Variants in CEPT1 observed in about 807,000 individuals in gnomAD.
The protein encoded by CEPT1 is choline/ethanolamine phosphotransferase 1, also known as choline/ethanolaminephosphotransferase 1.
A neutral mutation model predicts 42.6 loss-of-function variants in CEPT1; 7 were observed. The ratio of observed to expected loss-of-function variants is 0.16; its 90% CI spans 0.09 to 0.31. The LOEUF (loss-of-function observed/expected upper bound fraction) is 0.31, where lower values mean the gene tolerates loss of function less well. Ranked by LOEUF, CEPT1 falls within the 10% of genes least tolerant of loss-of-function variation. The pLI is 1.00. For synonymous variants in CEPT1, 171 were observed against 171.9 expected (o/e 0.99, Z 0.04); for missense variants, 306 against 502.1 (o/e 0.61, Z 3.73).
intron 2 of CEPT1, among the ~76,000 whole-genome samples, chr1:111,155,881 G>T (rs896851257): frequency 2.0e-5 from 3 of 152,070 alleles, no homozygotes; most frequent in African/African-American, 7.2e-5. Flanking sequence ...GTGTATATGT[G>T]TGTGTGTATA....
intron 4 of CEPT1, among the ~76,000 whole-genome samples, chr1:111,166,880 A>G (rs1372926722): frequency 6.6e-6 from 1 of 152,190 alleles, no homozygotes. Flanking sequence ...TTTTTTCAGT[A>G]TATTACAGTT....
chr1:111,160,995 A>T, intron 3 of CEPT1, 160 bp from the exon 4 acceptor site: 1 of 698,788 alleles, frequency 1.4e-6, no homozygotes, highest in Non-Finnish European at 2.4e-6. Context: ...ATGGGGTAAG[A>T]GATTATGTAA....
intron 2 of CEPT1, among the ~76,000 whole-genome samples, chr1:111,157,348 C>A (rs1194443365): frequency 6.6e-6 from 1 of 152,140 alleles, no homozygotes; most frequent in Non-Finnish European, 1.5e-5. Context: ...AGGTATTCAG[C>A]AGAATTTTCT....
chr1:111,161,016 C>A, intron 3 of CEPT1, 139 bp from the exon 4 acceptor site: 1 of 829,296 alleles, frequency 1.2e-6, no homozygotes, highest in Non-Finnish European at 2.0e-6. Context: ...CAGATTATAT[C>A]CTACTTTTCT....
chr1:111,184,716 C>T lies in CEPT1; in HGVS notation c.*406C>T, dbSNP rs1657173337. The T allele has an allele frequency of 6.5e-6, 1 of 153,356 alleles. No individual in the cohort carries two copies. The highest frequency in any genetic ancestry group is 1.5e-5 in the Non-Finnish European group (1 of 68,748). The allele number at this position is 153,356 out of a possible 1,614,324, so 9.5% of individuals were successfully genotyped here. On this transcript the variant is annotated 3_prime_UTR_variant, in exon 9 of 9. Coordinates refer to ENST00000357172, the MANE Select transcript of CEPT1 (RefSeq NM_006090.5). ...TAGTAACATCCTTGTTTAGTGTCTTCTCAAGCTTTCTTTACTGAGGAATTC... is the reference window on the plus strand; with the variant it reads ...TAGTAACATCCTTGTTTAGTGTCTTTTCAAGCTTTCTTTACTGAGGAATTC...
At chr1:111,163,605 CAA>C (rs201584154) in intron 4 of CEPT1, among the ~76,000 whole-genome samples, 1 of 132,774 alleles carries the variant, frequency 7.5e-6, no homozygotes. Flanking sequence ...GAACATGTCT[CAA>C]AAAAAAAAAA....
At chr1:111,149,460 A>G (rs1266632052) in intron 2 of CEPT1, among the ~76,000 whole-genome samples, 3 of 152,046 alleles carry the variant, frequency 2.0e-5, no homozygotes, top group African/African-American at 7.2e-5. Context: ...ACAGGGCTTC[A>G]CCTTGTTGGT....
At chr1:111,158,016 A>G (rs929384379) in intron 2 of CEPT1, among the ~76,000 whole-genome samples, 8 of 152,216 alleles carry the variant, frequency 5.3e-5, no homozygotes, top group Admixed American at 3.9e-4. Context: ...GGATAAATCA[A>G]ATAAGACCTC....
intron 4 of CEPT1, among the ~76,000 whole-genome samples, chr1:111,171,011 A>T (rs1334280810): frequency 6.6e-6 from 1 of 152,244 alleles, no homozygotes; most frequent in Non-Finnish European, 1.5e-5. Flanking sequence ...CATATGTCAC[A>T]TGTAGAAGAA....
At chr1:111,153,123 C>T (rs1310669085) in intron 2 of CEPT1, among the ~76,000 whole-genome samples, 2 of 152,134 alleles carry the variant, frequency 1.3e-5, no homozygotes, top group East Asian at 1.9e-4. Context: ...CCCTATCCTC[C>T]CCTCCTCCTT....
rs890362355 is a variant in CEPT1, at chr1:111,174,774, T to C, written c.630-105T>C. On this transcript the variant is annotated intron_variant, in intron 4 of 8. Transcript: ENST00000357172. Reference sequence around the variant, plus strand: ...CCCCTTTCCTCAATATTTGAGATTTTTTTTTTCTATTGTGCATGATAGAGG... The same window carrying C: ...CCCCTTTCCTCAATATTTGAGATTTCTTTTTTCTATTGTGCATGATAGAGG... The C allele has an allele frequency of 1.2e-5, 7 of 607,530 alleles. 1 individual carries two copies. Among genetic ancestry groups the C allele is most frequent in the African/African-American group, 5.5e-5 (3 of 54,130 alleles). The allele number at this position is 607,530 out of a possible 1,614,324, so 37.6% of individuals were successfully genotyped here. A position where few individuals can be genotyped will look rare whatever the true frequency, so the allele number is the denominator to read the frequency against.
At chr1:111,147,593 A>G in intron 1 of CEPT1, 49 bp from the exon 2 acceptor site, 1 of 636,004 alleles carries the variant, frequency 1.6e-6, no homozygotes, top group East Asian at 2.9e-5. Flanking sequence ...AGATGTAAAT[A>G]GTGGCCAACA....
At chr1:111,143,688 G>GGCC (rs1329206249) in intron 1 of CEPT1, 1 of 151,898 alleles carries the variant, frequency 6.6e-6, no homozygotes, top group Non-Finnish European at 1.5e-5. Context: ...TTTGGTCATA[G>GGCC]GCCTGATTCC....
chr1:111,155,901 A>G (rs1655544000), intron 2 of CEPT1, among the ~76,000 whole-genome samples: 1 of 152,002 alleles, frequency 6.6e-6, no homozygotes, highest in Non-Finnish European at 1.5e-5. Context: ...ATGTATATAT[A>G]TATTCTATTT....
At chr1:111,142,416 TTC>T (rs1390913038) in intron 1 of CEPT1, among the ~76,000 whole-genome samples, 1 of 152,214 alleles carries the variant, frequency 6.6e-6, no homozygotes, top group African/African-American at 2.4e-5. Flanking sequence ...ATTTCAGCCT[TTC>T]TGTTTCATCA....
intron 5 of CEPT1, among the ~76,000 whole-genome samples, chr1:111,177,840 C>A (rs948362127): frequency 6.6e-6 from 1 of 151,956 alleles, no homozygotes; most frequent in East Asian, 1.9e-4. Context: ...AACGGGAAAA[C>A]AGATTCTCCC....
intron 2 of CEPT1, among the ~76,000 whole-genome samples, chr1:111,158,767 A>G (rs1238633433): frequency 6.6e-6 from 1 of 152,036 alleles, no homozygotes; most frequent in East Asian, 1.9e-4. Flanking sequence ...TCAATAATTG[A>G]CCCTTCTAAT....
intron 4 of CEPT1, among the ~76,000 whole-genome samples, chr1:111,166,265 T>A (rs538401387): frequency 6.6e-6 from 1 of 152,340 alleles, no homozygotes; most frequent in African/African-American, 2.4e-5. Context: ...ATCTATCTCA[T>A]TAGCATTCCT....
intron 2 of CEPT1, among the ~76,000 whole-genome samples, chr1:111,153,090 T>G (rs1655370194): frequency 6.6e-6 from 1 of 152,180 alleles, no homozygotes; most frequent in South Asian, 2.1e-4. Flanking sequence ...TAGCTGTAAC[T>G]TTGCTTCTGT....
Sources: gnomAD v4.1 joint callset for allele counts (sites outside exome capture counted in the v4.1 genomes callset) on GRCh38, gnomAD v4.1.1 for gene constraint, MANE v1.5 for transcripts, NCBI Gene and HGNC (gene_info 2026-07-23, HGNC 2026-07-21) for gene names.